Variants in IMMP2L observed in about 807,000 individuals in gnomAD.
IMMP2L encodes inner mitochondrial membrane peptidase subunit 2, also known as mitochondrial inner membrane protease subunit 2.
Under a neutral mutation model 19.3 loss-of-function variants are expected in IMMP2L, and 18 were observed. The ratio of observed to expected loss-of-function variants is 0.93; its 90% CI spans 0.64 to 1.38. IMMP2L has a LOEUF of 1.38. IMMP2L is among the 40% of genes most tolerant of loss of function. The pLI is 0.00. For synonymous variants in IMMP2L, 76 were observed against 73.0 expected (o/e 1.04, Z -0.21); for missense variants, 233 against 218.2 (o/e 1.07, Z -0.43).
chr7:111,415,392 C>CA (rs1834867565), intron 3 of IMMP2L, among the ~76,000 whole-genome samples: 3 of 151,718 alleles, frequency 2.0e-5, no homozygotes, highest in Admixed American at 2.0e-4. Context: ...AACTTGAGCA[C>CA]AAAATTCAGC....
intron 3 of IMMP2L, among the ~76,000 whole-genome samples, chr7:111,314,461 T>C (rs1427780767): frequency 6.6e-6 from 1 of 152,168 alleles, no homozygotes; most frequent in African/African-American, 2.4e-5. Flanking sequence ...TTGAATGATG[T>C]TGCATTTGAA....
intron 4 of IMMP2L, among the ~76,000 whole-genome samples, chr7:110,898,128 T>A (rs1770317226): frequency 6.6e-6 from 1 of 151,374 alleles, no homozygotes; most frequent in African/African-American, 2.4e-5. Context: ...TAAAAAGTAA[T>A]TACAATAGAC....
chr7:111,369,520 C>G (rs990226026), intron 3 of IMMP2L, among the ~76,000 whole-genome samples: 1 of 151,706 alleles, frequency 6.6e-6, no homozygotes, highest in African/African-American at 2.4e-5. Context: ...TGGTGAGAGT[C>G]TAAAAAGCCA....
Position 111,090,346 on chromosome 7 carries a change from A to G in IMMP2L, c.240-126781T>C, listed in dbSNP as rs187073776. 4.2e-3 allele frequency among the ~76,000 whole-genome samples: 639 copies of G among 152,246 alleles called. 3 individuals carry two copies. The highest frequency in any genetic ancestry group is 0.014 in the African/African-American group (599 of 41,560). On this transcript the variant is annotated intron_variant, in intron 3 of 5. Coordinates refer to ENST00000405709, the MANE Select transcript of IMMP2L (RefSeq NM_032549.4). Reference sequence around the variant, plus strand: ...TCTTTTAAATAATTTAACTTATTACAATCGAAATATTTCCCCAGAGTGGTA... The same window carrying G: ...TCTTTTAAATAATTTAACTTATTACGATCGAAATATTTCCCCAGAGTGGTA...
chr7:111,506,402 A>G (rs916887521), intron 2 of IMMP2L, among the ~76,000 whole-genome samples: 2 of 151,688 alleles, frequency 1.3e-5, no homozygotes, highest in South Asian at 2.1e-4. Flanking sequence ...AACTACATCC[A>G]TATCTTCCTT....
chr7:111,550,816 T>C (rs1849384445), intron 1 of IMMP2L, among the ~76,000 whole-genome samples: 1 of 152,092 alleles, frequency 6.6e-6, no homozygotes, highest in Non-Finnish European at 1.5e-5. Context: ...GCTTATCCTC[T>C]AATGGTCATC....
chr7:110,723,079 A>G (rs1003793800), intron 5 of IMMP2L, among the ~76,000 whole-genome samples: 1 of 152,190 alleles, frequency 6.6e-6, no homozygotes, highest in Non-Finnish European at 1.5e-5. Flanking sequence ...TTCATAAAAC[A>G]CAGACATACC....
chr7:110,744,450 T>C (rs1797193516), intron 5 of IMMP2L, among the ~76,000 whole-genome samples: 1 of 152,190 alleles, frequency 6.6e-6, no homozygotes, highest in Admixed American at 6.5e-5. Flanking sequence ...GTATCCTGAC[T>C]AGGAGACACC....
At chr7:111,048,153 T>G (rs2129572213) in intron 3 of IMMP2L, among the ~76,000 whole-genome samples, 1 of 133,756 alleles carries the variant, frequency 7.5e-6, no homozygotes, top group Non-Finnish European at 1.5e-5. Flanking sequence ...GGCAGGAGAA[T>G]GGCGTGAACC....
At chr7:111,295,984 T>G (rs972608997) in intron 3 of IMMP2L, among the ~76,000 whole-genome samples, 2 of 72,538 alleles carry the variant, frequency 2.8e-5, no homozygotes, top group East Asian at 3.2e-4. Context: ...AGAAAGAATG[T>G]TAAAAAAAAA....
intron 4 of IMMP2L, among the ~76,000 whole-genome samples, chr7:110,935,035 C>T (rs1447889030): frequency 6.6e-6 from 1 of 152,158 alleles, no homozygotes; most frequent in Non-Finnish European, 1.5e-5. Context: ...TTGATCCTGT[C>T]ATTATGATAA....
intron 3 of IMMP2L, among the ~76,000 whole-genome samples, chr7:111,416,392 C>G (rs1834958942): frequency 1.3e-5 from 2 of 151,854 alleles, no homozygotes; most frequent in African/African-American, 4.9e-5. Flanking sequence ...TCAGGAATTA[C>G]TGTCAAATGC....
intron 3 of IMMP2L, among the ~76,000 whole-genome samples, chr7:111,448,171 T>C (rs1838719384): frequency 1.5e-5 from 2 of 129,836 alleles, no homozygotes; most frequent in Admixed American, 7.3e-5. Flanking sequence ...TCAACAAGGA[T>C]ACCCAGGAAT....
At chr7:111,327,553 A>G (rs1825450606) in intron 3 of IMMP2L, among the ~76,000 whole-genome samples, 1 of 151,728 alleles carries the variant, frequency 6.6e-6, no homozygotes, top group Non-Finnish European at 1.5e-5. Context: ...TTTCTTTTGT[A>G]GCACTTGGCA....
intron 3 of IMMP2L, among the ~76,000 whole-genome samples, chr7:111,364,687 T>C (rs933495777): frequency 4.6e-5 from 7 of 150,584 alleles, no homozygotes; most frequent in African/African-American, 1.5e-4. Flanking sequence ...ACTATAAACA[T>C]TGGCCAGGCA....
At chr7:110,909,653 G>T (rs1393524975) in intron 4 of IMMP2L, among the ~76,000 whole-genome samples, 1 of 151,976 alleles carries the variant, frequency 6.6e-6, no homozygotes, top group East Asian at 1.9e-4. Context: ...TACTCTCTGG[G>T]GTTAACAAAA....
At chr7:111,474,528 T>C (rs1433083998) in intron 3 of IMMP2L, among the ~76,000 whole-genome samples, 4 of 151,856 alleles carry the variant, frequency 2.6e-5, no homozygotes, top group African/African-American at 7.3e-5. Flanking sequence ...TTCAGTATGC[T>C]CTTATTACTG....
At chr7:111,307,536 T>G (rs1334672035) in intron 3 of IMMP2L, among the ~76,000 whole-genome samples, 2 of 151,728 alleles carry the variant, frequency 1.3e-5, no homozygotes, top group African/African-American at 4.8e-5. Flanking sequence ...CTTCTCAAAA[T>G]TATATCTGCT....
intron 3 of IMMP2L, among the ~76,000 whole-genome samples, chr7:111,098,529 T>C (rs997013076): frequency 1.3e-5 from 2 of 151,800 alleles, no homozygotes; most frequent in African/African-American, 4.8e-5. Flanking sequence ...AGAGCCCTTA[T>C]ACGTTCAAAC....
Sources: gnomAD v4.1 joint callset for allele counts (sites outside exome capture counted in the v4.1 genomes callset) on GRCh38, gnomAD v4.1.1 for gene constraint, MANE v1.5 for transcripts, NCBI Gene and HGNC (gene_info 2026-07-23, HGNC 2026-07-21) for gene names.